SV2C: variants seen among roughly 807,000 people sequenced by gnomAD.
The protein encoded by SV2C is solute carrier family 22 member B3.
Under a neutral mutation model 79.7 loss-of-function variants are expected in SV2C, and 49 were observed. The ratio of observed to expected loss-of-function variants is 0.61; its 90% CI spans 0.49 to 0.78. The LOEUF is 0.78. Ranked by LOEUF, SV2C falls within the 30% of genes least tolerant of loss-of-function variation. The pLI is 0.00. For missense variants in SV2C, 833 were observed against 912.9 expected, an observed-to-expected ratio of 0.91 and a Z score of 1.13; for synonymous variants, 334 against 333.2, an observed-to-expected ratio of 1.00 and a Z score of -0.03.
chr5:75,848,324 T>C, the SV2C span, among the ~76,000 whole-genome samples: 1 of 152,184 alleles, frequency 6.6e-6, no homozygotes, highest in Non-Finnish European at 1.5e-5. Flanking sequence ...AGGGGAGTTA[T>C]ATCAGCAGTA....
the SV2C span, among the ~76,000 whole-genome samples, chr5:75,989,932 T>A: frequency 6.6e-6 from 1 of 151,764 alleles, no homozygotes; most frequent in African/African-American, 2.4e-5. Context: ...CACATGTATG[T>A]CTTCTTTTGG....
At chr5:76,154,972 G>A (rs2112237197) in intron 2 of SV2C, among the ~76,000 whole-genome samples, 1 of 152,272 alleles carries the variant, frequency 6.6e-6, no homozygotes, top group East Asian at 1.9e-4. Context: ...GAGAGGGGTT[G>A]CATTCCTTTG....
the SV2C span, among the ~76,000 whole-genome samples, chr5:75,903,542 C>A: frequency 6.6e-6 from 1 of 152,134 alleles, no homozygotes. Flanking sequence ...CACTGCAGTA[C>A]TCTCAGCATC....
intron 2 of SV2C, among the ~76,000 whole-genome samples, chr5:76,134,031 G>A (rs1319995153): frequency 6.6e-6 from 1 of 152,108 alleles, no homozygotes; most frequent in African/African-American, 2.4e-5. Flanking sequence ...CTTGCCCTAT[G>A]CCTTTATCTT....
chr5:76,338,121 AG>A (rs1200803532), downstream of SV2C, among the ~76,000 whole-genome samples: 1 of 152,250 alleles, frequency 6.6e-6, no homozygotes, highest in African/African-American at 2.4e-5. Flanking sequence ...CACCAGGTGG[AG>A]AAATGAAAAC....
chr5:75,867,581 G>T, the SV2C span, among the ~76,000 whole-genome samples: 7 of 152,192 alleles, frequency 4.6e-5, no homozygotes, highest in Non-Finnish European at 8.8e-5. Flanking sequence ...ATGCATAATA[G>T]AAATAAAGTT....
In SV2C at chr5:76,246,623, A is replaced by ACACACT. The variant is rs202236332; in HGVS notation, c.913+36760_913+36765dup. Among the ~76,000 whole-genome samples the ACACACT allele has an allele frequency of 7.8e-3, 1,186 of 152,212 alleles. 9 individuals carry two copies. Among genetic ancestry groups the ACACACT allele is most frequent in the Middle Eastern group, 0.058 (17 of 294 alleles). On this transcript the variant is annotated intron_variant, in intron 4 of 12. Coordinates refer to ENST00000502798, the MANE Select transcript of SV2C (RefSeq NM_014979.4). Reference sequence around the variant, plus strand: ...CAGCACAAATCCTAAATAGCAACACACACACTCACACTCACACTCACACTC... The same window carrying ACACACT: ...CAGCACAAATCCTAAATAGCAACACACACACTCACACTCACACTCACACTCACACTC...
At chr5:75,948,456 C>T in the SV2C span, among the ~76,000 whole-genome samples, 45 of 152,024 alleles carry the variant, frequency 3.0e-4, no homozygotes, top group Non-Finnish European at 3.1e-4. Context: ...ATGGAGTTTA[C>T]ATTATAGCAG....
intron 12 of SV2C, among the ~76,000 whole-genome samples, chr5:76,308,149 T>G (rs1046323056): frequency 6.6e-6 from 1 of 152,208 alleles, no homozygotes; most frequent in South Asian, 2.1e-4. Context: ...TATTTAAGCC[T>G]TTTGCTTGAA....
chr5:75,989,603 T>C, the SV2C span, among the ~76,000 whole-genome samples: 1 of 152,102 alleles, frequency 6.6e-6, no homozygotes, highest in South Asian at 2.1e-4. Context: ...TACATGTACA[T>C]GTGTCTTTAT....
intron 2 of SV2C, among the ~76,000 whole-genome samples, chr5:76,159,819 G>A (rs774351739): frequency 6.6e-6 from 1 of 151,950 alleles, no homozygotes; most frequent in Non-Finnish European, 1.5e-5. Flanking sequence ...GAGGTAGTGG[G>A]AGTTAATACT....
chr5:76,027,815 C>T, the SV2C span, among the ~76,000 whole-genome samples: 1 of 152,184 alleles, frequency 6.6e-6, no homozygotes, highest in African/African-American at 2.4e-5. Flanking sequence ...TGAGTCAACA[C>T]CCTCTGCATA....
the SV2C span, among the ~76,000 whole-genome samples, chr5:76,050,654 G>A: frequency 6.6e-6 from 1 of 151,574 alleles, no homozygotes; most frequent in Non-Finnish European, 1.5e-5. Context: ...CCAAAGCCTC[G>A]TCAAAACCCT....
At chr5:76,027,432 A>G in the SV2C span, among the ~76,000 whole-genome samples, 13 of 151,724 alleles carry the variant, frequency 8.6e-5, no homozygotes, top group Admixed American at 7.9e-4. Context: ...TCACTTATTC[A>G]TTGAATGAAT....
At chr5:76,077,884 A>T in the SV2C span, among the ~76,000 whole-genome samples, 1 of 152,200 alleles carries the variant, frequency 6.6e-6, no homozygotes, top group Non-Finnish European at 1.5e-5. Flanking sequence ...GTTGTTTAAT[A>T]TATGGAGCAT....
At chr5:76,220,010 G>A (rs1745021721) in intron 4 of SV2C, among the ~76,000 whole-genome samples, 1 of 152,194 alleles carries the variant, frequency 6.6e-6, no homozygotes. Flanking sequence ...CTGCTCTGGT[G>A]CTCATGTGAA....
chr5:76,073,536 TATATATATAC>T, the SV2C span, among the ~76,000 whole-genome samples: 10 of 128,206 alleles, frequency 7.8e-5, no homozygotes, highest in South Asian at 2.5e-4. Context: ...TATATATATA[TATATATATAC>T]ACCATGGAAT....
chr5:76,147,323 T>C (rs1749468625), intron 2 of SV2C, among the ~76,000 whole-genome samples: 1 of 150,408 alleles, frequency 6.6e-6, no homozygotes, highest in Non-Finnish European at 1.5e-5. Context: ...TCACTCTTCC[T>C]GTGTTTGAGG....
chr5:75,876,412 C>A, the SV2C span, among the ~76,000 whole-genome samples: 2,162 of 152,036 alleles, frequency 0.014, 48 homozygotes, highest in African/African-American at 0.047. Context: ...ATACTGGGTT[C>A]TCCTTGAGGG....
Sources: allele counts gnomAD v4.1 joint callset (sites outside exome capture counted in the v4.1 genomes callset), GRCh38; gene constraint gnomAD v4.1.1; transcripts MANE v1.5; gene names NCBI Gene and HGNC (gene_info 2026-07-23, HGNC 2026-07-21).